The following P2RX6 variants were observed in gnomAD, a reference collection of about 807,000 sequenced individuals.
The protein encoded by P2RX6 is P2X purinoceptor 6.
P2RX6 carries 62 observed loss-of-function variants against 54.2 expected under a neutral mutation model. The observed-to-expected ratio is 1.14, with a 90% CI of 0.93 to 1.41. The LOEUF is 1.41. Among genes scored for constraint, P2RX6 ranks in the 40% most tolerant of loss-of-function variants. The pLI is 0.00. For synonymous variants in P2RX6, 211 were observed against 231.9 expected (o/e 0.91, Z 0.82); for missense variants, 541 against 566.3 (o/e 0.96, Z 0.45).
chr22:21,012,623 G>T, upstream of P2RX6: 1 of 588,300 alleles, frequency 1.7e-6, no homozygotes. Context: ...TTGACATATG[G>T]ATTGGAGCTC....
At position 21,026,693 on chromosome 22, in the gene P2RX6, G is replaced by A. The variant is rs1022951935; in HGVS notation, c.*76G>A. 124 of 1,505,796 alleles carry A rather than the reference G, an allele frequency of 8.2e-5. No homozygotes were observed. The highest frequency in any genetic ancestry group is 1.1e-4 in the Non-Finnish European group (118 of 1,122,576). 93.3% of individuals were successfully genotyped at this position (1,505,796 alleles called of 1,614,324 possible). A position where few individuals can be genotyped will look rare whatever the true frequency, so the allele number is the denominator to read the frequency against. On this transcript the variant is annotated 3_prime_UTR_variant, in exon 12 of 12. Transcript: ENST00000413302. The surrounding 1 kb of genome is among the most constrained non-coding windows in gnomAD (Gnocchi z 4.0). ...TGGGGATCTCAAGGATGAGGCCCCA[G>A]CATGGAGGATTGGGGGTAGAATTCC...
chr22:21,026,604 C>A lies in P2RX6; in HGVS notation c.1313C>A (p.Ser438Tyr). The change falls in exon 12 of 12, where the codon TCC becomes TAC. Residue 438 changes from serine to tyrosine, a missense_variant. Ser to Tyr is a moderately radical substitution (Grantham distance 144). Transcript: ENST00000413302. This position sits in a 1 kb window ranked among gnomAD's most constrained non-coding sequence, Gnocchi z 4.0. Reference sequence around the variant, plus strand: ...TCTGACACCCACTTGCCAACCCATTCCGGGAGCCTGTAGCCGTTCCCTGCT... The same window carrying A: ...TCTGACACCCACTTGCCAACCCATTACGGGAGCCTGTAGCCGTTCCCTGCT... ...PSSDTHLPTH[S>Y]GSL The A allele has an allele frequency of 6.3e-7, 1 of 1,585,122 alleles. No individual in the cohort carries two copies. Among genetic ancestry groups the A allele is most frequent in the Non-Finnish European group, 8.6e-7 (1 of 1,166,852 alleles).
Position 21,022,935 on chromosome 22 carries a change from T to A in P2RX6, c.464-7T>A, listed in dbSNP as rs1181851580. ...TGAAGGTCTGGAGTTCATCTTTTGT[T>A]TTCTAGGTGTAAAAACAGGCCAGTG... On this transcript the variant is annotated splice_region_variant and splice_polypyrimidine_tract_variant and intron_variant, in intron 4 of 11. Transcript: ENST00000413302. 2.5e-6 allele frequency: 4 copies of A among 1,612,080 alleles called. No homozygotes were observed. In the Admixed American group the frequency reaches 6.7e-5, roughly 27 times the overall value.
chr22:21,023,222 C>T, intron 6 of P2RX6, 24 bp downstream of exon 6: 2 of 1,613,250 alleles, frequency 1.2e-6, no homozygotes, highest in Admixed American at 1.7e-5. Flanking sequence ...GTCTCATCTG[C>T]CCCAAGACCC....
At chr22:21,012,534 G>A, upstream of P2RX6, 1 of 612,188 alleles carries the variant, frequency 1.6e-6, no homozygotes, top group East Asian at 3.8e-5. Context: ...TACCGCAGAT[G>A]CTGCTGCTTT....
In P2RX6 at chr22:21,027,878, C is replaced by T. The variant is rs3179909; in HGVS notation, c.*1261C>T. On this transcript the variant is annotated 3_prime_UTR_variant, in exon 12 of 12. Coordinates refer to ENST00000413302, the MANE Select transcript of P2RX6 (RefSeq NM_005446.5). ...CCATGGGGAGGTGGGCTCTGAAGGG[C>T]GAAGGTGGGAGAGCAGGGCCCCTGA... 44,851 of 152,088 alleles carry T rather than the reference C, an allele frequency of 0.29. 6,881 individuals are homozygous for T. The highest frequency in any genetic ancestry group is 0.34 in the South Asian group (1,649 of 4,818). 9.4% of individuals were successfully genotyped at this position (152,088 alleles called of 1,614,324 possible). A position where few individuals can be genotyped will look rare whatever the true frequency, so the allele number is the denominator to read the frequency against.
Position 21,022,720 on chromosome 22 carries a change from C to T in P2RX6, c.432C>T (p.Cys144=), listed in dbSNP as rs1927629095. Residue 144 remains cysteine, a synonymous_variant, in exon 4 of 12, where the codon TGC becomes TGT. Transcript: ENST00000413302. The part of the protein sequence containing the change: ...PLANCWVDED[C]PEGEGGTHSH... ...CTAACTGCTGGGTCGACGAGGACTG[C>T]CCCGAAGGGGAGGGAGGCACACACA... The T allele has an allele frequency of 1.3e-6, 2 of 1,579,142 alleles. No individual in the cohort carries two copies. Among genetic ancestry groups the T allele is most frequent in the Non-Finnish European group, 1.7e-6 (2 of 1,163,714 alleles).
rs1478931486 is a variant in P2RX6, at chr22:21,022,596, A to G, written c.388-80A>G. 1.1e-5 allele frequency: 12 copies of G among 1,132,722 alleles called. No individual in the cohort carries two copies. The African/African-American group carries it at 1.6e-4, about 15-fold the overall frequency. 70.2% of individuals were successfully genotyped at this position (1,132,722 alleles called of 1,614,324 possible). On this transcript the variant is annotated intron_variant, in intron 3 of 11. Coordinates refer to ENST00000413302, the MANE Select transcript of P2RX6 (RefSeq NM_005446.5). Reference sequence around the variant, plus strand: ...AAGGGGGCCTGTCCTTCCCACCTTGAACCTCCCTGCCTTTGAGACTGGGCT... The same window carrying G: ...AAGGGGGCCTGTCCTTCCCACCTTGGACCTCCCTGCCTTTGAGACTGGGCT...
rs574360538 is a variant in P2RX6 at position 21,017,893 on chromosome 22, G to A, written c.316-96G>A. The A allele has an allele frequency of 2.3e-4, 172 of 763,988 alleles. No homozygotes were observed. The African/African-American group carries it at 2.6e-3, about 11-fold the overall frequency. The allele number at this position is 763,988 out of a possible 1,614,324, so 47.3% of individuals were successfully genotyped here. On this transcript the variant is annotated intron_variant, in intron 2 of 11. Coordinates refer to ENST00000413302, the MANE Select transcript of P2RX6 (RefSeq NM_005446.5). Reference sequence around the variant, plus strand: ...GGGGACAGGGTTAATGACTTGATGGGGCCAACATCCCTTCCCTCATAAACC... The same window carrying A: ...GGGGACAGGGTTAATGACTTGATGGAGCCAACATCCCTTCCCTCATAAACC...
chr22:21,011,186 C>T (rs1033487619), upstream of P2RX6, among the ~76,000 whole-genome samples: 48 of 148,354 alleles, frequency 3.2e-4, no homozygotes, highest in African/African-American at 1.1e-3. Context: ...TACAGCAGCG[C>T]GCAATGAGAT....
rs572820991 is a variant in P2RX6 at position 21,023,054 on chromosome 22, C to T, written c.557+19C>T. On this transcript the variant is annotated intron_variant, in intron 5 of 11. Transcript: ENST00000413302. ...TGCCCTCGTAAGTGTCCCCACAATC[C>T]CCTACCCCAACTGGCGCAGGGCCCC... is the stretch of plus-strand genomic sequence containing the variant. 4 of 1,612,366 alleles carry T rather than the reference C, an allele frequency of 2.5e-6. No individual in the cohort carries two copies. In the East Asian group the frequency reaches 6.7e-5, roughly 27 times the overall value.
chr22:21,020,607 T>C (rs1385278712), intron 3 of P2RX6, among the ~76,000 whole-genome samples: 1 of 148,898 alleles, frequency 6.7e-6, no homozygotes, highest in East Asian at 2.1e-4. Context: ...TTTTTTTTTT[T>C]TGAGACAGAG....
chr22:21,017,497 A>G (rs1926594105), intron 2 of P2RX6, among the ~76,000 whole-genome samples: 1 of 152,182 alleles, frequency 6.6e-6, no homozygotes, highest in Non-Finnish European at 1.5e-5. Context: ...CATCCTGAGC[A>G]GGTGCTGGGC....
Position 21,025,892 on chromosome 22 carries a change from C to T in P2RX6, c.978C>T (p.Thr326=), listed in dbSNP as rs113447136. Residue 326 remains threonine, a synonymous_variant, in exon 9 of 12, where the codon ACC becomes ACT. Coordinates refer to ENST00000413302, the MANE Select transcript of P2RX6 (RefSeq NM_005446.5). The part of the protein sequence containing the change: ...LYGIRFDILV[T]GQAGKFGLIP... The stretch of plus-strand genomic sequence containing the variant: ...GAATCCGCTTCGACATCCTCGTCAC[C>T]GGGCAGGTAGGCACAGGTAGGGGTC... The T allele has an allele frequency of 2.7e-4, 427 of 1,578,068 alleles. 1 individual carries two copies. The African/African-American group carries it at 4.0e-3, about 15-fold the overall frequency.
In P2RX6 at chr22:21,026,346, C is replaced by G. The variant is rs1305341027; in HGVS notation, c.1128+17C>G. On this transcript the variant is annotated intron_variant, in intron 11 of 11. Coordinates refer to ENST00000413302, the MANE Select transcript of P2RX6 (RefSeq NM_005446.5). This position sits in a 1 kb window ranked among gnomAD's most constrained non-coding sequence, Gnocchi z 4.0. ...TATGAGGAGGTGAGCTGAGGTCGCTCTGCTTGGACCCTGGGTTCTGCCACA... is the reference window on the plus strand; with the variant it reads ...TATGAGGAGGTGAGCTGAGGTCGCTGTGCTTGGACCCTGGGTTCTGCCACA... The G allele has an allele frequency of 6.3e-7, 1 of 1,595,912 alleles. No individual in the cohort carries two copies. The highest frequency in any genetic ancestry group is 1.8e-5 in the Admixed American group (1 of 57,008).
In P2RX6 at chr22:21,026,416, G is replaced by C. The variant is rs780054773; in HGVS notation, c.1129-4G>C. 2 of 1,597,134 alleles carry C rather than the reference G, an allele frequency of 1.3e-6. No homozygotes were observed. The highest frequency in any genetic ancestry group is 2.3e-5 in the South Asian group (2 of 87,722). The stretch of plus-strand genomic sequence containing the variant: ...GATCCCTGACCTGCTGTCCTCATCT[G>C]CAGGCCAAGGCCCCGAAAGCAACCG... On this transcript the variant is annotated splice_region_variant and splice_polypyrimidine_tract_variant and intron_variant, in intron 11 of 11. Transcript: ENST00000413302. This position sits in a 1 kb window ranked among gnomAD's most constrained non-coding sequence, Gnocchi z 4.0.
At position 21,026,243 on chromosome 22, in the gene P2RX6, C is replaced by T. The variant is rs1237304349; in HGVS notation, c.1051-9C>T. On this transcript the variant is annotated splice_polypyrimidine_tract_variant and intron_variant, in intron 10 of 11. Transcript: ENST00000413302. The surrounding 1 kb of genome is among the most constrained non-coding windows in gnomAD (Gnocchi z 4.0). ...GGGCTGGAACATGGGTTGGCCCTGC[C>T]TCTCCCAGGTCACCTTTTTCTGTGA... 1 of 1,586,986 alleles carries T rather than the reference C, an allele frequency of 6.3e-7. No homozygotes were observed. The highest frequency in any genetic ancestry group is 8.6e-7 in the Non-Finnish European group (1 of 1,167,226).
rs375249507 is a variant in P2RX6 at position 21,026,379 on chromosome 22, A to G, written c.1129-41A>G. 3.0e-5 allele frequency: 48 copies of G among 1,587,720 alleles called. No homozygotes were observed. The highest frequency in any genetic ancestry group is 3.9e-5 in the Non-Finnish European group (45 of 1,166,996). On this transcript the variant is annotated intron_variant, in intron 11 of 11. Coordinates refer to ENST00000413302, the MANE Select transcript of P2RX6 (RefSeq NM_005446.5). The surrounding 1 kb of genome is among the most constrained non-coding windows in gnomAD (Gnocchi z 4.0). ...ACCCTGGGTTCTGCCACACTTAGGA[A>G]GATGTTGGCTGGATCCCTGACCTGC...
At chr22:21,010,439 A>C (rs917766267), upstream of P2RX6, 1 of 152,136 alleles carries the variant, frequency 6.6e-6, no homozygotes, top group Non-Finnish European at 1.5e-5. Context: ...CTCCAGGGCC[A>C]ATTCTCAAAG....
Sources: allele counts gnomAD v4.1 joint callset (sites outside exome capture counted in the v4.1 genomes callset), GRCh38; gene constraint gnomAD v4.1.1; non-coding constraint Gnocchi (gnomAD v3.1); transcripts MANE v1.5; gene names NCBI Gene and HGNC (gene_info 2026-07-23, HGNC 2026-07-21).